MCTP1: variants seen among roughly 807,000 people sequenced by gnomAD.
MCTP1 encodes multiple C2 and transmembrane domain containing 1, also known as multiple C2 and transmembrane domain-containing protein 1.
In MCTP1, 69 loss-of-function variants were observed where a neutral mutation model predicts 120.6. The ratio of observed to expected loss-of-function variants is 0.57; its 90% CI spans 0.47 to 0.70. MCTP1 has a LOEUF of 0.70. Ranked by LOEUF, MCTP1 falls within the 30% of genes least tolerant of loss-of-function variation. MCTP1 has a pLI of 0.00. For synonymous variants in MCTP1, 529 were observed against 493.1 expected (o/e 1.07, Z -0.96); for missense variants, 1,203 against 1,248.8 (o/e 0.96, Z 0.55).
chr5:95,018,275 A>G (rs563230014), intron 1 of MCTP1, among the ~76,000 whole-genome samples: 10 of 152,094 alleles, frequency 6.6e-5, no homozygotes, highest in Non-Finnish European at 1.5e-4. Flanking sequence ...ACTCTATACA[A>G]TAGGAAAGCT....
intron 1 of MCTP1, among the ~76,000 whole-genome samples, chr5:95,141,944 C>T (rs1759966251): frequency 6.6e-6 from 1 of 152,156 alleles, no homozygotes; most frequent in African/African-American, 2.4e-5. Flanking sequence ...TTACTTACTA[C>T]CAGTTTCCAC....
intron 17 of MCTP1, chr5:94,867,993 C>A: frequency 6.0e-6 from 1 of 167,750 alleles, no homozygotes. Flanking sequence ...GAGATTATTA[C>A]TATTATTATT....
chr5:95,089,540 C>T (rs1755688850), intron 1 of MCTP1, among the ~76,000 whole-genome samples: 1 of 152,148 alleles, frequency 6.6e-6, no homozygotes, highest in South Asian at 2.1e-4. Flanking sequence ...CCTTATGACT[C>T]ATATTTTAAA....
At chr5:95,009,550 GTTA>G (rs1196864270) in intron 2 of MCTP1, among the ~76,000 whole-genome samples, 2 of 151,024 alleles carry the variant, frequency 1.3e-5, no homozygotes, top group Non-Finnish European at 2.9e-5. Flanking sequence ...GTATGCCCCA[GTTA>G]TTATATGATA....
intron 2 of MCTP1, among the ~76,000 whole-genome samples, chr5:95,005,658 C>G (rs34934351): frequency 6.6e-6 from 1 of 152,046 alleles, no homozygotes; most frequent in African/African-American, 2.4e-5. Flanking sequence ...GAATATGTGC[C>G]TGCTTCCCCT....
chr5:95,212,120 C>CTTTTG (rs1752456666), intron 1 of MCTP1, among the ~76,000 whole-genome samples: 1 of 151,872 alleles, frequency 6.6e-6, no homozygotes, highest in Non-Finnish European at 1.5e-5. Flanking sequence ...AGACTGCTAG[C>CTTTTG]AAGACTAATA....
chr5:95,057,233 T>C (rs1747640865), intron 1 of MCTP1, among the ~76,000 whole-genome samples: 2 of 152,092 alleles, frequency 1.3e-5, no homozygotes, highest in African/African-American at 4.8e-5. Flanking sequence ...ATAACTACCA[T>C]CCAAAGTAGC....
chr5:95,183,751 G>A (rs1562216902), intron 1 of MCTP1, among the ~76,000 whole-genome samples: 1 of 152,090 alleles, frequency 6.6e-6, no homozygotes, highest in Non-Finnish European at 1.5e-5. Flanking sequence ...CTTCATTAAT[G>A]AAGGAAATAA....
intron 12 of MCTP1, among the ~76,000 whole-genome samples, chr5:94,885,337 C>T (rs530795420): frequency 7.3e-5 from 11 of 150,608 alleles, no homozygotes; most frequent in Non-Finnish European, 1.6e-4. Flanking sequence ...AGAGAGAGAA[C>T]CCAGGGGAAA....
intron 1 of MCTP1, among the ~76,000 whole-genome samples, chr5:95,032,064 C>A (rs1164131378): frequency 1.3e-5 from 2 of 152,096 alleles, no homozygotes; most frequent in Non-Finnish European, 2.9e-5. Context: ...TATATGCACT[C>A]AATGTTGGAG....
At chr5:95,165,916 G>A (rs141827625) in intron 1 of MCTP1, among the ~76,000 whole-genome samples, 70 of 152,204 alleles carry the variant, frequency 4.6e-4, no homozygotes, top group Non-Finnish European at 7.4e-4. Flanking sequence ...CCCTCTCAGG[G>A]CTTGTCATAA....
In MCTP1 at chr5:95,240,744, A is replaced by G. The variant is rs1318320856; in HGVS notation, c.720+43112T>C. 2.0e-5 allele frequency among the ~76,000 whole-genome samples: 3 copies of G among 152,190 alleles called. No individual in the cohort carries two copies. The East Asian group carries it at 5.8e-4, about 29-fold the overall frequency. ...GCAGGTTTAAAACTTGGTCATGTAC[A>G]CTGAAGTCTTAGCAGTGTGCCATTT... On this transcript the variant is annotated intron_variant, in intron 1 of 22. Coordinates refer to ENST00000515393, the MANE Select transcript of MCTP1 (RefSeq NM_024717.7).
rs778634105 is a variant in MCTP1 at position 95,085,073 on chromosome 5, C to T, written c.721-67589G>A. On this transcript the variant is annotated intron_variant, in intron 1 of 22. Coordinates refer to ENST00000515393, the MANE Select transcript of MCTP1 (RefSeq NM_024717.7). Reference sequence around the variant, plus strand: ...AAACCTCCTACTCTGTTGACACCCTCCTTCCATTCTCCTTGCCTCTATTTA... The same window carrying T: ...AAACCTCCTACTCTGTTGACACCCTTCTTCCATTCTCCTTGCCTCTATTTA... 5.7e-4 allele frequency among the ~76,000 whole-genome samples: 87 copies of T among 152,190 alleles called. No individual in the cohort carries two copies. In the Middle Eastern group the frequency reaches 0.02, roughly 36 times the overall value.
chr5:95,217,137 T>TA (rs910391702), intron 1 of MCTP1, among the ~76,000 whole-genome samples: 1 of 152,222 alleles, frequency 6.6e-6, no homozygotes, highest in Admixed American at 6.5e-5. Flanking sequence ...TTGAAAACTT[T>TA]AAAAAATACT....
intron 8 of MCTP1, among the ~76,000 whole-genome samples, chr5:94,913,939 A>T (rs1165684213): frequency 6.6e-6 from 1 of 152,034 alleles, no homozygotes; most frequent in Non-Finnish European, 1.5e-5. Context: ...CAGTGGCATG[A>T]TCATAGCTCA....
chr5:94,911,952 T>G (rs145088156), intron 9 of MCTP1, among the ~76,000 whole-genome samples: 285 of 152,216 alleles, frequency 1.9e-3, no homozygotes, highest in African/African-American at 6.7e-3. Context: ...CTTAGTAAAT[T>G]TGTTAGGTAG....
chr5:95,127,073 T>A (rs1758689204), intron 1 of MCTP1, among the ~76,000 whole-genome samples: 1 of 152,146 alleles, frequency 6.6e-6, no homozygotes, highest in African/African-American at 2.4e-5. Flanking sequence ...AGAAAGAACA[T>A]CATCCTTTTT....
chr5:95,169,923 T>C (rs1024595098), intron 1 of MCTP1, among the ~76,000 whole-genome samples: 2 of 152,210 alleles, frequency 1.3e-5, no homozygotes, highest in Admixed American at 6.5e-5. Context: ...TAGTTATTTC[T>C]TGCACAACTT....
At chr5:94,848,641 T>G (rs967267603) in intron 17 of MCTP1, among the ~76,000 whole-genome samples, 2 of 152,068 alleles carry the variant, frequency 1.3e-5, no homozygotes, top group African/African-American at 2.4e-5. Context: ...AATTTCAAAT[T>G]TCAGAAAAGT....
Sources: gnomAD v4.1 joint callset for allele counts (sites outside exome capture counted in the v4.1 genomes callset) on GRCh38, gnomAD v4.1.1 for gene constraint, MANE v1.5 for transcripts, NCBI Gene and HGNC (gene_info 2026-07-23, HGNC 2026-07-21) for gene names.